The following COL21A1 variants were observed in gnomAD, a reference collection of about 807,000 sequenced individuals.
COL21A1 encodes the protein collagen alpha-1(XXI) chain.
In COL21A1, 149 loss-of-function variants were observed where a neutral mutation model predicts 137.9. The observed-to-expected ratio is 1.08, with a 90% CI of 0.95 to 1.24. COL21A1 has a LOEUF of 1.24. Among genes scored for constraint, COL21A1 ranks in the 50% most tolerant of loss-of-function variants. COL21A1 has a pLI of 0.00. For synonymous variants in COL21A1, 456 were observed against 391.5 expected, an observed-to-expected ratio of 1.16 and a Z score of -1.95; for missense variants, 1,167 against 1,158.4, an observed-to-expected ratio of 1.01 and a Z score of -0.11.
At chr6:56,283,948 G>A (rs886684083) in intron 1 of COL21A1, among the ~76,000 whole-genome samples, 1 of 151,876 alleles carries the variant, frequency 6.6e-6, no homozygotes, top group Non-Finnish European at 1.5e-5. Flanking sequence ...AGGAGTGGCC[G>A]ACCTGGGGCA....
chr6:56,067,316 A>T lies in COL21A1; in HGVS notation c.2106T>A (p.Asn702Lys), dbSNP rs1766354259. ...ATACCTGAATACCTTTTTCACCTTG[A>T]TTTCCTTTGTCCCCCTACAAAAAGG... The part of the protein sequence containing the change: ...GIQGKKGDKG[N>K]QGEKGIQGQK... Residue 702 changes from asparagine to lysine, a missense_variant, in exon 23 of 30, where the codon AAT (asparagine) becomes AAA (lysine). Transcript: ENST00000244728. 9.3e-6 allele frequency: 15 copies of T among 1,608,880 alleles called. No homozygotes were observed. Among genetic ancestry groups the T allele is most frequent in the Non-Finnish European group, 1.3e-5 (15 of 1,176,698 alleles).
chr6:56,363,560 G>A (rs1343714880), intron 1 of COL21A1, among the ~76,000 whole-genome samples: 1 of 152,210 alleles, frequency 6.6e-6, no homozygotes, highest in Non-Finnish European at 1.5e-5. Flanking sequence ...CCAGGTGATT[G>A]TGTGTTTCAG....
chr6:56,171,392 TTTG>T (rs1022769494), intron 3 of COL21A1, among the ~76,000 whole-genome samples: 3 of 151,856 alleles, frequency 2.0e-5, no homozygotes, highest in Non-Finnish European at 2.9e-5. Context: ...AATATAAATA[TTTG>T]TTAATGTATT....
intron 14 of COL21A1, 79 bp downstream of exon 14, chr6:56,125,488 T>G (rs778256424): frequency 2.1e-6 from 2 of 967,946 alleles, no homozygotes; most frequent in East Asian, 5.2e-5. Flanking sequence ...AATGCTGGGT[T>G]AGAACTGCAA....
At chr6:56,134,505 A>G (rs575663196) in intron 12 of COL21A1, among the ~76,000 whole-genome samples, 23 of 152,332 alleles carry the variant, frequency 1.5e-4, no homozygotes, top group Admixed American at 1.3e-3. Flanking sequence ...TAATGCTGAA[A>G]TGATTTAAGA....
At chr6:56,253,505 A>G (rs1427706450) in intron 1 of COL21A1, among the ~76,000 whole-genome samples, 1 of 152,216 alleles carries the variant, frequency 6.6e-6, no homozygotes, top group African/African-American at 2.4e-5. Context: ...TGAAGCCAAC[A>G]CAGAGAAAAG....
chr6:56,290,939 C>G (rs1338247797), intron 1 of COL21A1, among the ~76,000 whole-genome samples: 1 of 152,076 alleles, frequency 6.6e-6, no homozygotes, highest in Non-Finnish European at 1.5e-5. Context: ...AGCCAAATAT[C>G]GAGAACCACT....
chr6:56,161,201 G>A (rs1365169114), intron 9 of COL21A1, among the ~76,000 whole-genome samples: 1 of 152,188 alleles, frequency 6.6e-6, no homozygotes, highest in Non-Finnish European at 1.5e-5. Context: ...TATGGCTATA[G>A]TAAAATGGTA....
At chr6:56,073,917 A>C (rs1478385465) in intron 20 of COL21A1, among the ~76,000 whole-genome samples, 2 of 151,466 alleles carry the variant, frequency 1.3e-5, no homozygotes, top group East Asian at 1.9e-4. Flanking sequence ...TGAATGCTCT[A>C]GACTGGTGGT....
At chr6:56,080,978 C>T (rs1475527060) in intron 17 of COL21A1, among the ~76,000 whole-genome samples, 1 of 151,792 alleles carries the variant, frequency 6.6e-6, no homozygotes, top group Non-Finnish European at 1.5e-5. Flanking sequence ...CAGATCCACT[C>T]CAGGCCAGTT....
intron 1 of COL21A1, among the ~76,000 whole-genome samples, chr6:56,244,010 C>T (rs1375433760): frequency 2.0e-5 from 3 of 152,152 alleles, no homozygotes; most frequent in African/African-American, 7.2e-5. Flanking sequence ...AATAAAAACA[C>T]GTATCCATTT....
rs1254967289 is a variant in COL21A1 at position 56,097,964 on chromosome 6, T to A, written c.1812+3508A>T. On this transcript the variant is annotated intron_variant, in intron 17 of 29. Transcript: ENST00000244728. The stretch of plus-strand genomic sequence containing the variant: ...ATATATATAAATATAAAAATATATA[T>A]AAATATATAAATATATATAAATATA... 5.1e-3 allele frequency among the ~76,000 whole-genome samples: 343 copies of A among 66,866 alleles called. 8 individuals are homozygous for A. The highest frequency in any genetic ancestry group is 0.015 in the African/African-American group (189 of 12,392). The allele number at this position is 66,866 out of a possible 152,430, so 43.9% of individuals were successfully genotyped here. A position where few individuals can be genotyped will look rare whatever the true frequency, so the allele number is the denominator to read the frequency against.
chr6:56,108,848 T>G (rs554708654), intron 16 of COL21A1, among the ~76,000 whole-genome samples: 4 of 151,704 alleles, frequency 2.6e-5, no homozygotes, highest in African/African-American at 7.2e-5. Flanking sequence ...AAAGAAAAAA[T>G]TCACTAAAAC....
intron 1 of COL21A1, among the ~76,000 whole-genome samples, chr6:56,272,807 T>G (rs751529591): frequency 3.3e-5 from 5 of 152,198 alleles, no homozygotes; most frequent in African/African-American, 9.7e-5. Flanking sequence ...TGAAGGTACT[T>G]GCTTCTCCTT....
Position 56,198,030 on chromosome 6 carries a change from C to A in COL21A1, c.-38-15374G>T, listed in dbSNP as rs373142861. On this transcript the variant is annotated intron_variant, in intron 1 of 29. Transcript: ENST00000244728. ...ATACACACTCACACAGGAGAGAATA[C>A]TATTTAGACTTACAAAAAAAGGAAA... Among the ~76,000 whole-genome samples the A allele has an allele frequency of 5.9e-5, 9 of 152,098 alleles. No homozygotes were observed. The East Asian group carries it at 7.7e-4, about 13-fold the overall frequency.
At chr6:56,097,388 C>T (rs1769428507) in intron 17 of COL21A1, among the ~76,000 whole-genome samples, 1 of 152,002 alleles carries the variant, frequency 6.6e-6, no homozygotes, top group African/African-American at 2.4e-5. Context: ...TCTTTTTGAA[C>T]TTGGTAATTT....
At position 56,075,540 on chromosome 6, in the gene COL21A1, A is replaced by C; in HGVS notation, c.1858-8T>G. The C allele has an allele frequency of 2.0e-6, 3 of 1,511,224 alleles. No homozygotes were observed. Among genetic ancestry groups the C allele is most frequent in the Non-Finnish European group, 2.7e-6 (3 of 1,128,832 alleles). 93.6% of individuals were successfully genotyped at this position (1,511,224 alleles called of 1,614,324 possible). A position where few individuals can be genotyped will look rare whatever the true frequency, so the allele number is the denominator to read the frequency against. On this transcript the variant is annotated splice_polypyrimidine_tract_variant and splice_region_variant and intron_variant, in intron 18 of 29. Transcript: ENST00000244728. ...TGGAGGCCCAATTTCTCCCTAAAAA[A>C]ATCAAACATTAAAAACATTATAAAT...
intron 1 of COL21A1, among the ~76,000 whole-genome samples, chr6:56,215,928 T>A (rs527355524): frequency 6.6e-6 from 1 of 152,232 alleles, no homozygotes; most frequent in East Asian, 1.9e-4. Context: ...TATATGTGTA[T>A]ATATTCCAAC....
intron 17 of COL21A1, among the ~76,000 whole-genome samples, chr6:56,096,447 TAAA>T (rs1462211553): frequency 6.6e-6 from 1 of 152,224 alleles, no homozygotes; most frequent in Non-Finnish European, 1.5e-5. Flanking sequence ...CAAGTTATAA[TAAA>T]TCTATCTGGT....
Sources: gnomAD v4.1 joint callset for allele counts (sites outside exome capture counted in the v4.1 genomes callset) on GRCh38, gnomAD v4.1.1 for gene constraint, MANE v1.5 for transcripts, NCBI Gene and HGNC (gene_info 2026-07-23, HGNC 2026-07-21) for gene names.